Variants in AOAH observed in about 807,000 individuals in gnomAD.
The protein encoded by AOAH is acyloxyacyl hydrolase, also known as acyloxyacyl hydrolase (neutrophil).
Under a neutral mutation model 92.2 loss-of-function variants are expected in AOAH, and 64 were observed. That is an observed-to-expected ratio of 0.69 (90% CI 0.57 to 0.86). AOAH has a LOEUF of 0.86. Ranked by LOEUF, AOAH falls within the 40% of genes least tolerant of loss-of-function variation. The pLI is 0.00. For missense variants in AOAH, 656 were observed against 694.6 expected, an observed-to-expected ratio of 0.94 and a Z score of 0.62; for synonymous variants, 263 against 254.5, an observed-to-expected ratio of 1.03 and a Z score of -0.32.
intron 11 of AOAH, among the ~76,000 whole-genome samples, chr7:36,611,968 C>T (rs1791491972): frequency 6.6e-6 from 1 of 152,200 alleles, no homozygotes; most frequent in Non-Finnish European, 1.5e-5. Flanking sequence ...TCCACACAAC[C>T]TCTCTGAGAA....
chr7:36,644,319 T>C (rs1396737095), intron 4 of AOAH, among the ~76,000 whole-genome samples: 3 of 152,114 alleles, frequency 2.0e-5, no homozygotes, highest in Non-Finnish European at 4.4e-5. Context: ...GAGATAGATG[T>C]TAAACGGTGT....
intron 1 of AOAH, among the ~76,000 whole-genome samples, chr7:36,714,650 C>T (rs1799006205): frequency 6.6e-6 from 1 of 152,166 alleles, no homozygotes; most frequent in Non-Finnish European, 1.5e-5. Context: ...GGCTTCATCC[C>T]TGGGATGCAA....
chr7:36,532,780 C>T (rs1284322909), intron 16 of AOAH, among the ~76,000 whole-genome samples: 4 of 152,192 alleles, frequency 2.6e-5, no homozygotes, highest in African/African-American at 9.7e-5. Flanking sequence ...ACCTAATCCC[C>T]TTTTCTAGGT....
In AOAH at chr7:36,606,439, G is replaced by A. The variant is rs539099169; in HGVS notation, c.846+9941C>T. ...TGACACAGCACGAAATTCAATCTGC[G>A]CCTACTTACCCTACAGACAACAGCC... On this transcript the variant is annotated intron_variant, in intron 11 of 20. Coordinates refer to ENST00000617537, the MANE Select transcript of AOAH (RefSeq NM_001637.4). Among the ~76,000 whole-genome samples, 106 of 152,274 alleles carry A rather than the reference G, an allele frequency of 7.0e-4. 1 individual carries two copies. In the Middle Eastern group the frequency reaches 0.027, roughly 39 times the overall value.
chr7:36,700,491 A>C (rs1797962831), intron 1 of AOAH, among the ~76,000 whole-genome samples: 1 of 152,084 alleles, frequency 6.6e-6, no homozygotes. Context: ...GTTGTTGCAA[A>C]AGACATGATT....
At chr7:36,678,528 T>G (rs1211783266) in intron 2 of AOAH, among the ~76,000 whole-genome samples, 1 of 150,268 alleles carries the variant, frequency 6.7e-6, no homozygotes, top group Non-Finnish European at 1.5e-5. Flanking sequence ...AGAAAATTCA[T>G]CTTCTTTCTG....
chr7:36,699,465 C>T (rs1797903154), intron 1 of AOAH, among the ~76,000 whole-genome samples: 1 of 151,816 alleles, frequency 6.6e-6, no homozygotes. Context: ...GCATGCATTC[C>T]TCCCTGTCTT....
chr7:36,614,475 G>C lies in AOAH; in HGVS notation c.846+1905C>G, dbSNP rs2001600. Among the ~76,000 whole-genome samples, 62,721 of 151,944 alleles carry C rather than the reference G, an allele frequency of 0.41. 13,223 individuals are homozygous for C. The highest frequency in any genetic ancestry group is 0.47 in the Non-Finnish European group (31,679 of 67,940). The stretch of plus-strand genomic sequence containing the variant: ...GTTTGTTATGTGAGTGAAGTCCAGT[G>C]GGCCAACTGAGCATGTGTGAGCGAG... On this transcript the variant is annotated intron_variant, in intron 11 of 20. Transcript: ENST00000617537. The surrounding 1 kb of genome is among the most constrained non-coding windows in gnomAD (Gnocchi z 4.2).
chr7:36,525,345 A>T (rs1190059172), intron 19 of AOAH, among the ~76,000 whole-genome samples: 1 of 152,224 alleles, frequency 6.6e-6, no homozygotes, highest in Admixed American at 6.5e-5. Flanking sequence ...CCTTGAGAAG[A>T]ATGTTTACTA....
At position 36,686,377 on chromosome 7, in the gene AOAH, A is replaced by C. The variant is rs548833690; in HGVS notation, c.223+322T>G. ...AAGTTATTCATTATTTTGACTTCTT[A>C]GTACTTAAGGCAATGATCAGTAAGT... is the stretch of plus-strand genomic sequence containing the variant. On this transcript the variant is annotated intron_variant, in intron 2 of 20. Transcript: ENST00000617537. Among the ~76,000 whole-genome samples, 6 of 152,338 alleles carry C rather than the reference A, an allele frequency of 3.9e-5. No homozygotes were observed. The East Asian group carries it at 1.2e-3, about 29-fold the overall frequency.
intron 11 of AOAH, among the ~76,000 whole-genome samples, chr7:36,601,996 C>T (rs1790645667): frequency 6.6e-6 from 1 of 152,210 alleles, no homozygotes; most frequent in Admixed American, 6.5e-5. Flanking sequence ...ACCAGCAGAT[C>T]AGTAGCAATA....
rs145849167 is a variant in AOAH, at chr7:36,570,068, T to G, written c.1021+6506A>C. Among the ~76,000 whole-genome samples the G allele has an allele frequency of 3.4e-4, 52 of 152,312 alleles. 2 individuals carry two copies. The highest frequency in any genetic ancestry group is 1.0e-3 in the African/African-American group (43 of 41,568). ...ATAGATTTTTAAGCGCACAATACAG[T>G]ACTATCATCTCTAGGCACAACGTTA... On this transcript the variant is annotated intron_variant, in intron 13 of 20. Transcript: ENST00000617537.
At chr7:36,552,759 C>A (rs1024574770) in intron 13 of AOAH, among the ~76,000 whole-genome samples, 2 of 152,144 alleles carry the variant, frequency 1.3e-5, no homozygotes, top group African/African-American at 4.8e-5. Context: ...TGTGCCTATT[C>A]TTGCCATCTT....
chr7:36,587,571 A>G (rs58518513), intron 12 of AOAH, among the ~76,000 whole-genome samples: 22,848 of 152,130 alleles, frequency 0.15, 2,379 homozygotes, highest in African/African-American at 0.29. Flanking sequence ...AATATTTAGA[A>G]AATATTGGTT....
chr7:36,573,052 T>C (rs769420246), intron 13 of AOAH, among the ~76,000 whole-genome samples: 17 of 152,320 alleles, frequency 1.1e-4, no homozygotes, highest in Non-Finnish European at 1.5e-4. Context: ...CATTCAATGA[T>C]TGGCCCAAGC....
At chr7:36,659,755 CTTTTTTTTT>C (rs112482487) in intron 3 of AOAH, among the ~76,000 whole-genome samples, 6 of 127,982 alleles carry the variant, frequency 4.7e-5, no homozygotes, top group Non-Finnish European at 4.8e-5. Context: ...TTTTTTCTTT[CTTTTTTTTT>C]TTTTTTTTTC....
At chr7:36,620,896 CATGA>C (rs10522114) in intron 8 of AOAH, 67 bp from the exon 9 acceptor site, 140,048 of 1,326,734 alleles carry the variant, frequency 0.11, 11,362 homozygotes, top group Admixed American at 0.27. Flanking sequence ...CAGTTTCATG[CATGA>C]ATGAATGAAT....
chr7:36,708,111 AG>A (rs1235155151), intron 1 of AOAH, among the ~76,000 whole-genome samples: 1 of 151,824 alleles, frequency 6.6e-6, no homozygotes, highest in Non-Finnish European at 1.5e-5. Flanking sequence ...ATTTTTAAAA[AG>A]CTGTTAATCA....
At position 36,604,891 on chromosome 7, in the gene AOAH, C is replaced by T. The variant is rs116054480; in HGVS notation, c.847-10461G>A. Among the ~76,000 whole-genome samples, 358 of 152,368 alleles carry T rather than the reference C, an allele frequency of 2.3e-3. 4 individuals carry two copies. Among genetic ancestry groups the T allele is most frequent in the African/African-American group, 8.4e-3 (348 of 41,586 alleles). On this transcript the variant is annotated intron_variant, in intron 11 of 20. Transcript: ENST00000617537. ...TTGGCTCTGAAATATATGTTACCAACATGAGACCATGACCTCTTTGCTGCT... is the reference window on the plus strand; with the variant it reads ...TTGGCTCTGAAATATATGTTACCAATATGAGACCATGACCTCTTTGCTGCT...
Sources: allele counts gnomAD v4.1 joint callset (sites outside exome capture counted in the v4.1 genomes callset), GRCh38; gene constraint gnomAD v4.1.1; non-coding constraint Gnocchi (gnomAD v3.1); transcripts MANE v1.5; gene names NCBI Gene and HGNC (gene_info 2026-07-23, HGNC 2026-07-21).